The following CEACAM5 variants were observed in gnomAD, a reference collection of about 807,000 sequenced individuals.
CEACAM5 encodes the protein cell adhesion molecule CEACAM5.
A neutral mutation model predicts 63.0 loss-of-function variants in CEACAM5; 52 were observed. The ratio of observed to expected loss-of-function variants is 0.83; its 90% CI spans 0.66 to 1.04. CEACAM5 has a LOEUF of 1.04. Among genes scored for constraint, CEACAM5 ranks in the 50% least tolerant of loss-of-function variants. The pLI is 0.00. For missense variants in CEACAM5, 790 were observed against 864.8 expected, an observed-to-expected ratio of 0.91 and a Z score of 1.08; for synonymous variants, 357 against 351.3, an observed-to-expected ratio of 1.02 and a Z score of -0.18.
chr19:41,728,331 C>G (rs1309530627), intron 9 of CEACAM5, among the ~76,000 whole-genome samples: 1 of 152,096 alleles, frequency 6.6e-6, no homozygotes, highest in Non-Finnish European at 1.5e-5. Context: ...ATACTTAAGT[C>G]CCACCGATAA....
At position 41,720,955 on chromosome 19, in the gene CEACAM5, A is replaced by T. The variant is rs1192896058; in HGVS notation, c.1805A>T (p.Asp602Val). 6.2e-7 allele frequency: 1 copy of T among 1,611,256 alleles called. No individual in the cohort carries two copies. Among genetic ancestry groups the T allele is most frequent in the African/African-American group, 1.4e-5 (1 of 73,880 alleles). The change falls in exon 8 of 10, where the codon GAC becomes GTC. Residue 602 changes from aspartate to valine, a missense_variant. Physicochemically the swap from Asp to Val is radical, Grantham distance 152. Coordinates refer to ENST00000221992, the MANE Select transcript of CEACAM5 (RefSeq NM_004363.6). ...GPDTPIISPP[D>V]SSYLSGANLN... ...GACACCCCCATCATTTCCCCCCCAGACTCGTCTTACCTTTCGGGAGCGAAC... is the reference window on the plus strand; with the variant it reads ...GACACCCCCATCATTTCCCCCCCAGTCTCGTCTTACCTTTCGGGAGCGAAC...
chr19:41,721,932 T>A (rs1396682158), intron 8 of CEACAM5, among the ~76,000 whole-genome samples: 1 of 152,068 alleles, frequency 6.6e-6, no homozygotes. Flanking sequence ...TGACACACAC[T>A]TGGAGAAATA....
chr19:41,719,527 A>G (rs2072582505), intron 6 of CEACAM5, among the ~76,000 whole-genome samples: 1 of 152,270 alleles, frequency 6.6e-6, no homozygotes, highest in Middle Eastern at 3.4e-3. Flanking sequence ...CCTTGAAACA[A>G]AAGGCTCAGA....
rs114521807 is a variant in CEACAM5 at position 41,721,348 on chromosome 19, G to A, written c.2026+172G>A. 3.0e-3 allele frequency among the ~76,000 whole-genome samples: 452 copies of A among 152,254 alleles called. 3 individuals are homozygous for A. Among genetic ancestry groups the A allele is most frequent in the African/African-American group, 0.01 (429 of 41,564 alleles). On this transcript the variant is annotated intron_variant, in intron 8 of 9. Coordinates refer to ENST00000221992, the MANE Select transcript of CEACAM5 (RefSeq NM_004363.6). ...CATCTCGGCCAACTCTCTCCTCCCC[G>A]GCTTCTCTGATATCTCACGGCTGAC...
Position 41,721,347 on chromosome 19 carries a change from C to T in CEACAM5, c.2026+171C>T, listed in dbSNP as rs556314024. ...CCATCTCGGCCAACTCTCTCCTCCCCGGCTTCTCTGATATCTCACGGCTGA... is the reference window on the plus strand; with the variant it reads ...CCATCTCGGCCAACTCTCTCCTCCCTGGCTTCTCTGATATCTCACGGCTGA... On this transcript the variant is annotated intron_variant, in intron 8 of 9. Coordinates refer to ENST00000221992, the MANE Select transcript of CEACAM5 (RefSeq NM_004363.6). Among the ~76,000 whole-genome samples the T allele has an allele frequency of 5.3e-5, 8 of 152,338 alleles. No homozygotes were observed. In the East Asian group the frequency reaches 7.7e-4, roughly 15 times the overall value.
At chr19:41,718,583 G>A (rs2072566512) in intron 6 of CEACAM5, among the ~76,000 whole-genome samples, 1 of 152,136 alleles carries the variant, frequency 6.6e-6, no homozygotes, top group South Asian at 2.1e-4. Flanking sequence ...CTGACCTTGT[G>A]TCCACCCTGA....
intron 2 of CEACAM5, among the ~76,000 whole-genome samples, chr19:41,711,635 T>C (rs2122774534): frequency 6.6e-6 from 1 of 152,244 alleles, no homozygotes; most frequent in Non-Finnish European, 1.5e-5. Flanking sequence ...CTGGTCCTGG[T>C]CGGGACAGCC....
chr19:41,715,879 C>G lies in CEACAM5; in HGVS notation c.933C>G (p.Thr311=). ...AHNSDTGLNR[T]TVTTITVYAE... is the part of the protein sequence containing the mutation. ...ACTCAGACACTGGCCTCAATAGGAC[C>G]ACAGTCACGACGATCACAGTCTATG... is the stretch of plus-strand genomic sequence containing the variant. The change falls in exon 4 of 10, where the codon ACC becomes ACG. Residue 311 remains threonine, a synonymous_variant. Coordinates refer to ENST00000221992, the MANE Select transcript of CEACAM5 (RefSeq NM_004363.6). 6.2e-7 allele frequency: 1 copy of G among 1,614,136 alleles called. No individual in the cohort carries two copies. The highest frequency in any genetic ancestry group is 8.5e-7 in the Non-Finnish European group (1 of 1,179,998).
At chr19:41,718,837 C>T (rs187599053) in intron 6 of CEACAM5, among the ~76,000 whole-genome samples, 8 of 152,366 alleles carry the variant, frequency 5.3e-5, no homozygotes, top group Admixed American at 1.3e-4. Flanking sequence ...GAGGGAGGAG[C>T]AGCTCAGACT....
In CEACAM5 at chr19:41,714,959, T is replaced by C. The variant is rs2122787157; in HGVS notation, c.425-12T>C. ...GCCACACAGGGCAATCTTCTCTCTG[T>C]TATCTGCACAGCGGAGCTGCCCAAG... is the stretch of plus-strand genomic sequence containing the variant. On this transcript the variant is annotated splice_polypyrimidine_tract_variant and intron_variant, in intron 2 of 9. Coordinates refer to ENST00000221992, the MANE Select transcript of CEACAM5 (RefSeq NM_004363.6). 6.2e-7 allele frequency: 1 copy of C among 1,614,154 alleles called. No homozygotes were observed. Among genetic ancestry groups the C allele is most frequent in the East Asian group, 2.2e-5 (1 of 44,884 alleles).
At chr19:41,727,187 A>C (rs2072711671) in intron 8 of CEACAM5, 47 bp from the exon 9 acceptor site, 11 of 1,419,208 alleles carry the variant, frequency 7.8e-6, no homozygotes, top group African/African-American at 1.4e-5. Flanking sequence ...CTGTAAAATA[A>C]CATCACATTC....
intron 5 of CEACAM5, 55 bp downstream of exon 5, chr19:41,717,788 C>T: frequency 6.3e-7 from 1 of 1,590,630 alleles, no homozygotes; most frequent in Non-Finnish European, 8.6e-7. Flanking sequence ...TCCACATAGC[C>T]AAAGTCCAGG....
Position 41,714,978 on chromosome 19 carries a change from G to A in CEACAM5, c.432G>A (p.Leu144=), listed in dbSNP as rs782062922. ...TCTCTGTTATCTGCACAGCGGAGCT[G>A]CCCAAGCCCTCCATCTCCAGCAACA... The part of the protein sequence containing the change: ...ATGQFRVYPE[L]PKPSISSNNS... The change falls in exon 3 of 10, where the codon CTG becomes CTA. Residue 144 remains leucine (L), a synonymous_variant. Coordinates refer to ENST00000221992, the MANE Select transcript of CEACAM5 (RefSeq NM_004363.6). The A allele has an allele frequency of 1.2e-5, 19 of 1,614,070 alleles. No homozygotes were observed. Among genetic ancestry groups the A allele is most frequent in the Non-Finnish European group, 1.6e-5 (19 of 1,180,036 alleles).
At chr19:41,719,775 A>G (rs2072587604) in intron 6 of CEACAM5, among the ~76,000 whole-genome samples, 155 bp from the exon 7 acceptor site, 1 of 152,134 alleles carries the variant, frequency 6.6e-6, no homozygotes, top group Non-Finnish European at 1.5e-5. Flanking sequence ...GAGCCCTCAG[A>G]TCATCGTACA....
At chr19:41,719,277 A>T (rs536832519) in intron 6 of CEACAM5, among the ~76,000 whole-genome samples, 2 of 152,298 alleles carry the variant, frequency 1.3e-5, no homozygotes, top group East Asian at 3.9e-4. Context: ...TAACCTTTCT[A>T]TGTATGCAGT....
At chr19:41,717,861 T>C in intron 5 of CEACAM5, 128 bp downstream of exon 5, 5 of 1,252,934 alleles carry the variant, frequency 4.0e-6, no homozygotes, top group Non-Finnish European at 5.6e-6. Flanking sequence ...AGGCTGGCCC[T>C]ACCCCCAGCA....
chr19:41,711,077 A>G lies in CEACAM5; in HGVS notation c.424+1038A>G, dbSNP rs530610490. Among the ~76,000 whole-genome samples, 76 of 152,234 alleles carry G rather than the reference A, an allele frequency of 5.0e-4. No homozygotes were observed. The East Asian group carries it at 0.012, about 24-fold the overall frequency. ...TGGGTGGGGCTGTTTGTTGTTAGGCATCTGCATCTGAGACCAGTCATGGGC... is the reference window on the plus strand; with the variant it reads ...TGGGTGGGGCTGTTTGTTGTTAGGCGTCTGCATCTGAGACCAGTCATGGGC... On this transcript the variant is annotated intron_variant, in intron 2 of 9. Coordinates refer to ENST00000221992, the MANE Select transcript of CEACAM5 (RefSeq NM_004363.6).
intron 8 of CEACAM5, among the ~76,000 whole-genome samples, chr19:41,725,634 A>G (rs2072690457): frequency 6.6e-6 from 1 of 151,896 alleles, no homozygotes; most frequent in Non-Finnish European, 1.5e-5. Flanking sequence ...GAGTCTCCCA[A>G]TGTGCTGGGA....
At chr19:41,713,893 C>T (rs1443344751) in intron 2 of CEACAM5, among the ~76,000 whole-genome samples, 2 of 152,160 alleles carry the variant, frequency 1.3e-5, no homozygotes, top group Admixed American at 1.3e-4. Flanking sequence ...TCCTCGCCTG[C>T]CCTCTGCAAG....
Sources: gnomAD v4.1 joint callset for allele counts (sites outside exome capture counted in the v4.1 genomes callset) on GRCh38, gnomAD v4.1.1 for gene constraint, MANE v1.5 for transcripts, NCBI Gene and HGNC (gene_info 2026-07-23, HGNC 2026-07-21) for gene names.